The following ADARB2 variants were observed in gnomAD, a reference collection of about 807,000 sequenced individuals.
ADARB2 encodes adenosine deaminase RNA specific B2 (inactive).
Under a neutral mutation model 62.2 loss-of-function variants are expected in ADARB2, and 25 were observed. The ratio of observed to expected loss-of-function variants is 0.40; its 90% CI spans 0.29 to 0.56. ADARB2 has a LOEUF of 0.56. Among genes scored for constraint, ADARB2 ranks in the 20% least tolerant of loss-of-function variants. ADARB2 has a pLI of 0.43. For synonymous variants in ADARB2, 572 were observed against 500.8 expected (o/e 1.14, Z -1.90); for missense variants, 1,071 against 1,077.4 (o/e 0.99, Z 0.08).
chr10:1,416,396 A>G (rs1354670356), intron 1 of ADARB2, among the ~76,000 whole-genome samples: 1 of 152,188 alleles, frequency 6.6e-6, no homozygotes, highest in Non-Finnish European at 1.5e-5. Flanking sequence ...CAATCATTCT[A>G]TTGCACTTCA....
intron 1 of ADARB2, among the ~76,000 whole-genome samples, chr10:1,576,986 G>A (rs1038966127): frequency 6.6e-6 from 1 of 152,174 alleles, no homozygotes; most frequent in African/African-American, 2.4e-5. Flanking sequence ...GTAGGTTGCT[G>A]GCCCGGGGAG....
At chr10:1,232,327 CAT>C (rs1830811995) in intron 6 of ADARB2, among the ~76,000 whole-genome samples, 1 of 151,970 alleles carries the variant, frequency 6.6e-6, no homozygotes, top group African/African-American at 2.4e-5. Context: ...ATGTCGTATA[CAT>C]GTGTGTTGTA....
chr10:1,590,386 A>G (rs1833236177), intron 1 of ADARB2, among the ~76,000 whole-genome samples: 1 of 152,200 alleles, frequency 6.6e-6, no homozygotes, highest in African/African-American at 2.4e-5. Flanking sequence ...GCTGGTTCTA[A>G]TGTGAATGGG....
intron 1 of ADARB2, among the ~76,000 whole-genome samples, chr10:1,513,283 T>C (rs947066150): frequency 1.3e-5 from 2 of 152,180 alleles, no homozygotes; most frequent in African/African-American, 4.8e-5. Context: ...CCATAGCCCA[T>C]ACATTAATGA....
intron 4 of ADARB2, among the ~76,000 whole-genome samples, chr10:1,268,029 C>A (rs762132564): frequency 3.3e-5 from 5 of 152,124 alleles, no homozygotes; most frequent in Non-Finnish European, 7.4e-5. Flanking sequence ...CTGCCACCCT[C>A]AACGCACAGA....
intron 1 of ADARB2, among the ~76,000 whole-genome samples, chr10:1,688,938 T>TTA (rs2119124220): frequency 6.6e-6 from 1 of 152,274 alleles, no homozygotes; most frequent in South Asian, 2.1e-4. Context: ...AAGAATACAA[T>TTA]TATATATATT....
intron 3 of ADARB2, among the ~76,000 whole-genome samples, chr10:1,299,627 T>C (rs1238392368): frequency 6.6e-6 from 1 of 152,144 alleles, no homozygotes; most frequent in Non-Finnish European, 1.5e-5. Context: ...GAAGCTGCCC[T>C]CCCATCCCAC....
rs150686615 is a variant in ADARB2 at position 1,623,670 on chromosome 10, G to A, written c.100+113381C>T. Among the ~76,000 whole-genome samples the A allele has an allele frequency of 5.0e-4, 76 of 152,300 alleles. No homozygotes were observed. In the East Asian group the frequency reaches 0.012, roughly 24 times the overall value. On this transcript the variant is annotated intron_variant, in intron 1 of 9. Coordinates refer to ENST00000381312, the MANE Select transcript of ADARB2 (RefSeq NM_018702.4). ...CTCTGTCATCAGTGCGATTGCACAC[G>A]CATGGATTCCCTGCCTTATTGAAGA...
At chr10:1,676,526 C>T (rs1183761507) in intron 1 of ADARB2, among the ~76,000 whole-genome samples, 1 of 151,920 alleles carries the variant, frequency 6.6e-6, no homozygotes, top group Non-Finnish European at 1.5e-5. Flanking sequence ...TGGAATTTTC[C>T]CCCTTCATTT....
chr10:1,327,398 ACAGCGCCTCCCCACTGCC>A lies in ADARB2; in HGVS notation c.1077+35612_1077+35629del, dbSNP rs1831875584. ...CCACGGCACAGCGCCTCCCCACTGCACAGCGCCTCCCCACTGCCCAGCGCCTCCCCACTGCCCAGCGCC... is the reference window on the plus strand; with the variant it reads ...CCACGGCACAGCGCCTCCCCACTGCACAGCGCCTCCCCACTGCCCAGCGCC... On this transcript the variant is annotated intron_variant, in intron 3 of 9. Coordinates refer to ENST00000381312, the MANE Select transcript of ADARB2 (RefSeq NM_018702.4). Among the ~76,000 whole-genome samples the A allele has an allele frequency of 3.0e-4, 7 of 23,472 alleles. 1 individual carries two copies. Among genetic ancestry groups the A allele is most frequent in the Admixed American group, 3.9e-4 (1 of 2,584 alleles). 15.4% of individuals were successfully genotyped at this position (23,472 alleles called of 152,430 possible).
At chr10:1,379,214 C>T in intron 1 of ADARB2, 54 bp from the exon 2 acceptor site, 1 of 1,422,350 alleles carries the variant, frequency 7.0e-7, no homozygotes, top group Non-Finnish European at 9.9e-7. Flanking sequence ...CGGAAAAACT[C>T]AATGCTTTTA....
At chr10:1,350,077 G>A (rs143333875) in intron 3 of ADARB2, among the ~76,000 whole-genome samples, 85 of 152,148 alleles carry the variant, frequency 5.6e-4, no homozygotes, top group Admixed American at 1.4e-3. Flanking sequence ...AAATCTAAGC[G>A]TCTTATTTTC....
chr10:1,413,416 G>T (rs1179995232), intron 1 of ADARB2, among the ~76,000 whole-genome samples: 11 of 152,152 alleles, frequency 7.2e-5, no homozygotes, highest in Non-Finnish European at 7.3e-5. Context: ...CAAGCTCTCG[G>T]TCTTGAATTC....
intron 1 of ADARB2, among the ~76,000 whole-genome samples, chr10:1,556,151 C>A (rs1308564852): frequency 6.6e-6 from 1 of 152,070 alleles, no homozygotes; most frequent in Non-Finnish European, 1.5e-5. Flanking sequence ...TGAGGGGGCA[C>A]CTTCCCGTGG....
chr10:1,568,931 T>C (rs1832897054), intron 1 of ADARB2, among the ~76,000 whole-genome samples: 2 of 152,172 alleles, frequency 1.3e-5, no homozygotes, highest in African/African-American at 4.8e-5. Flanking sequence ...GTGAATAAGT[T>C]ACGATTTGTA....
chr10:1,446,980 C>A (rs953553073), intron 1 of ADARB2, among the ~76,000 whole-genome samples: 2 of 152,130 alleles, frequency 1.3e-5, no homozygotes, highest in African/African-American at 4.8e-5. Flanking sequence ...CTCATGACTT[C>A]ATTTAGGAAA....
intron 4 of ADARB2, among the ~76,000 whole-genome samples, chr10:1,257,685 A>T (rs182177233): frequency 6.6e-6 from 1 of 152,166 alleles, no homozygotes; most frequent in Non-Finnish European, 1.5e-5. Context: ...AAGTTTGGTT[A>T]TAACAGCATA....
intron 1 of ADARB2, among the ~76,000 whole-genome samples, chr10:1,567,990 C>A (rs1271799964): frequency 6.6e-6 from 1 of 152,232 alleles, no homozygotes; most frequent in Non-Finnish European, 1.5e-5. Flanking sequence ...CAGCTCGATC[C>A]TTGGGAACCT....
chr10:1,606,394 A>G (rs553928297), intron 1 of ADARB2, among the ~76,000 whole-genome samples: 36 of 152,292 alleles, frequency 2.4e-4, no homozygotes, highest in African/African-American at 8.7e-4. Flanking sequence ...GTGTGAAAGA[A>G]TGCTCTCTAC....
Sources: gnomAD v4.1 joint callset for allele counts (sites outside exome capture counted in the v4.1 genomes callset) on GRCh38, gnomAD v4.1.1 for gene constraint, MANE v1.5 for transcripts, NCBI Gene and HGNC (gene_info 2026-07-23, HGNC 2026-07-21) for gene names.